The following SYNRG variants were observed in gnomAD, a reference collection of about 807,000 sequenced individuals.
SYNRG encodes the protein synergin gamma, also known as AP1 gamma subunit binding protein 1.
In SYNRG, 37 loss-of-function variants were observed where a neutral mutation model predicts 130.9. That is an observed-to-expected ratio of 0.28 (90% CI 0.22 to 0.37). The LOEUF (loss-of-function observed/expected upper bound fraction) is 0.37, where lower values mean the gene tolerates loss of function less well. Among genes scored for constraint, SYNRG ranks in the 10% least tolerant of loss-of-function variants. The pLI, the probability that SYNRG is intolerant of heterozygous loss-of-function variation, is 1.00. For synonymous variants in SYNRG, 539 were observed against 568.1 expected, an observed-to-expected ratio of 0.95 and a Z score of 0.73; for missense variants, 1,338 against 1,588.9, an observed-to-expected ratio of 0.84 and a Z score of 2.68.
chr17:37,522,669 C>A (rs534597386), intron 19 of SYNRG, among the ~76,000 whole-genome samples: 1 of 125,526 alleles, frequency 8.0e-6, no homozygotes, highest in South Asian at 2.5e-4. Flanking sequence ...GAGGTGGAGT[C>A]TTGCTCTGTA....
chr17:37,532,015 T>C (rs999063816), intron 19 of SYNRG, among the ~76,000 whole-genome samples: 4 of 152,272 alleles, frequency 2.6e-5, no homozygotes, highest in African/African-American at 9.6e-5. Context: ...AGAACAACTT[T>C]GTGCACTTAA....
At chr17:37,589,436 T>C (rs566786082) in intron 3 of SYNRG, among the ~76,000 whole-genome samples, 8 of 152,260 alleles carry the variant, frequency 5.3e-5, no homozygotes, top group African/African-American at 1.4e-4. Flanking sequence ...GGAATAATCA[T>C]AGAAATCAAT....
intron 13 of SYNRG, among the ~76,000 whole-genome samples, chr17:37,555,135 T>TC (rs1443029331): frequency 6.6e-6 from 1 of 150,856 alleles, no homozygotes; most frequent in Non-Finnish European, 1.5e-5. Context: ...CTATGATTCT[T>TC]TTTTTTTTGA....
intron 19 of SYNRG, among the ~76,000 whole-genome samples, chr17:37,522,637 CTTTTTT>C (rs36077729): frequency 1.0e-5 from 1 of 97,812 alleles, no homozygotes; most frequent in Non-Finnish European, 1.9e-5. Flanking sequence ...CCAGCTAACA[CTTTTTT>C]TTTTTTTTTT....
intron 15 of SYNRG, 83 bp downstream of exon 15, chr17:37,541,889 G>A (rs761898692): frequency 1.7e-4 from 213 of 1,285,438 alleles, no homozygotes; most frequent in Non-Finnish European, 2.1e-4. Context: ...CGAAACCAGA[G>A]AGCAACATTT....
chr17:37,521,378 C>G (rs532818378), intron 19 of SYNRG, among the ~76,000 whole-genome samples: 1 of 150,984 alleles, frequency 6.6e-6, no homozygotes, highest in South Asian at 2.1e-4. Context: ...ATGGGAGCTG[C>G]TAGGTGAGGG....
Position 37,554,208 on chromosome 17 carries a change from G to A in SYNRG, c.1664-149C>T, listed in dbSNP as rs550626838. 4.3e-5 allele frequency: 29 copies of A among 680,860 alleles called. 1 individual carries two copies. The highest frequency in any genetic ancestry group is 1.5e-4 in the East Asian group (5 of 32,974). 42.2% of individuals were successfully genotyped at this position (680,860 alleles called of 1,614,324 possible). On this transcript the variant is annotated intron_variant, in intron 13 of 21. Coordinates refer to ENST00000612223, the MANE Select transcript of SYNRG (RefSeq NM_007247.6). ...ATGTTTACATACTTTAAACCCTATCGAACTACACATTTATTTCCACACTGA... is the reference window on the plus strand; with the variant it reads ...ATGTTTACATACTTTAAACCCTATCAAACTACACATTTATTTCCACACTGA...
Position 37,517,830 on chromosome 17 carries a change from G to A in SYNRG, c.*1110C>T, listed in dbSNP as rs1338568018. The A allele has an allele frequency of 6.6e-6, 1 of 151,900 alleles. No homozygotes were observed. The highest frequency in any genetic ancestry group is 6.6e-5 in the Admixed American group (1 of 15,238). The allele number at this position is 151,900 out of a possible 1,614,324, so 9.4% of individuals were successfully genotyped here. A position where few individuals can be genotyped will look rare whatever the true frequency, so the allele number is the denominator to read the frequency against. On this transcript the variant is annotated 3_prime_UTR_variant, in exon 22 of 22. Coordinates refer to ENST00000612223, the MANE Select transcript of SYNRG (RefSeq NM_007247.6). ...GAATAACACAGCTCTTAGCCACTTGGGTTTTTCCCCTAATTTTATGCATTC... is the reference window on the plus strand; with the variant it reads ...GAATAACACAGCTCTTAGCCACTTGAGTTTTTCCCCTAATTTTATGCATTC...
chr17:37,604,696 C>T (rs1241385728), intron 1 of SYNRG, among the ~76,000 whole-genome samples: 2 of 152,214 alleles, frequency 1.3e-5, no homozygotes, highest in African/African-American at 4.8e-5. Context: ...TCGCTTTTGA[C>T]CTACCTCAGC....
chr17:37,595,778 G>T lies in SYNRG; in HGVS notation c.240+445C>A, dbSNP rs537784104. 4.1e-4 allele frequency among the ~76,000 whole-genome samples: 61 copies of T among 149,742 alleles called. 1 individual carries two copies. The highest frequency in any genetic ancestry group is 1.3e-3 in the African/African-American group (54 of 40,664). Reference sequence around the variant, plus strand: ...GGCCTTTTTTTTTTTTTTTGAGACGGGAGTCTCACTTTGTTGCCCAGGCTG... The same window carrying T: ...GGCCTTTTTTTTTTTTTTTGAGACGTGAGTCTCACTTTGTTGCCCAGGCTG... On this transcript the variant is annotated intron_variant, in intron 3 of 21. Coordinates refer to ENST00000612223, the MANE Select transcript of SYNRG (RefSeq NM_007247.6).
At chr17:37,596,367 A>C (rs779967752) in intron 2 of SYNRG, 23 bp from the exon 3 acceptor site, 1 of 1,612,388 alleles carries the variant, frequency 6.2e-7, no homozygotes, top group Admixed American at 1.7e-5. Flanking sequence ...AGACATTATT[A>C]AAGTCAATGT....
chr17:37,602,274 T>C (rs2063353108), intron 1 of SYNRG, among the ~76,000 whole-genome samples: 1 of 151,266 alleles, frequency 6.6e-6, no homozygotes, highest in African/African-American at 2.4e-5. Context: ...GAGGCGGAGG[T>C]TGCAGTGAGC....
chr17:37,514,979 C>T lies in SYNRG; in HGVS notation c.*3961G>A, dbSNP rs774740089. ...CACACCATCTTTTAAAATACAGGCG[C>T]GAATTCCACATCACGCAGAAGACAA... is the stretch of plus-strand genomic sequence containing the variant. On this transcript the variant is annotated 3_prime_UTR_variant, in exon 22 of 22. Coordinates refer to ENST00000612223, the MANE Select transcript of SYNRG (RefSeq NM_007247.6). 1.3e-5 allele frequency: 2 copies of T among 152,220 alleles called. No individual in the cohort carries two copies. The highest frequency in any genetic ancestry group is 4.1e-4 in the South Asian group (2 of 4,824). The allele number at this position is 152,220 out of a possible 1,614,324, so 9.4% of individuals were successfully genotyped here.
chr17:37,585,106 G>T (rs904440996), intron 5 of SYNRG, among the ~76,000 whole-genome samples: 1 of 152,218 alleles, frequency 6.6e-6, no homozygotes, highest in Admixed American at 6.5e-5. Flanking sequence ...AAAAAGAGCT[G>T]AAAAGATAAT....
chr17:37,604,850 A>G (rs888503289), intron 1 of SYNRG, among the ~76,000 whole-genome samples: 52 of 152,212 alleles, frequency 3.4e-4, no homozygotes, highest in African/African-American at 1.1e-3. Context: ...CTCAGGGAAT[A>G]TGGAGGCCCT....
intron 2 of SYNRG, among the ~76,000 whole-genome samples, chr17:37,598,887 A>G (rs961515209): frequency 1.3e-5 from 2 of 152,254 alleles, no homozygotes; most frequent in African/African-American, 4.8e-5. Context: ...ACCTTCCTAA[A>G]GAACAAAAGA....
Position 37,609,412 on chromosome 17 carries a change from T to G in SYNRG, c.-57A>C, listed in dbSNP as rs944683882. 1.2e-5 allele frequency: 16 copies of G among 1,358,188 alleles called. No individual in the cohort carries two copies. In the East Asian group the frequency reaches 4.0e-4, roughly 34 times the overall value. The allele number at this position is 1,358,188 out of a possible 1,614,324, so 84.1% of individuals were successfully genotyped here. ...CGCCACCTTATCAGCAGCTGTCAGC[T>G]GAACACAGCCACTTCCGGGTCAAAC... On this transcript the variant is annotated 5_prime_UTR_variant, in exon 1 of 22. Transcript: ENST00000612223.
chr17:37,575,056 C>T (rs1368495052), intron 8 of SYNRG, among the ~76,000 whole-genome samples: 2 of 151,716 alleles, frequency 1.3e-5, no homozygotes, highest in Non-Finnish European at 2.9e-5. Flanking sequence ...CATAGAAAGA[C>T]AAATTTCATA....
At chr17:37,604,645 T>C (rs998094509) in intron 1 of SYNRG, among the ~76,000 whole-genome samples, 5 of 152,260 alleles carry the variant, frequency 3.3e-5, no homozygotes, top group Admixed American at 3.3e-4. Flanking sequence ...TCAAGAACTT[T>C]TCCTCTGCAT....
Sources: allele counts gnomAD v4.1 joint callset (sites outside exome capture counted in the v4.1 genomes callset), GRCh38; gene constraint gnomAD v4.1.1; transcripts MANE v1.5; gene names NCBI Gene and HGNC (gene_info 2026-07-23, HGNC 2026-07-21).